Variants in SHANK1 observed in about 807,000 individuals in gnomAD.
SHANK1 encodes SH3 and multiple ankyrin repeat domains 1, also known as SH3 and multiple ankyrin repeat domains protein 1.
In SHANK1, 35 loss-of-function variants were observed where a neutral mutation model predicts 165.6. That is an observed-to-expected ratio of 0.21 (90% confidence interval 0.16 to 0.28). The LOEUF is 0.28. Ranked by LOEUF, SHANK1 falls within the 10% of genes least tolerant of loss-of-function variation. The probability of loss-of-function intolerance (pLI) is 1.00; values close to 1 mark genes in which losing one functional copy is unlikely to be tolerated. For missense variants in SHANK1, 2,681 were observed against 3,036.4 expected, an observed-to-expected ratio of 0.88 and a Z score of 2.75; for synonymous variants, 1,428 against 1,384.8, an observed-to-expected ratio of 1.03 and a Z score of -0.69.
At chr19:50,715,834 CG>C in intron 3 of SHANK1, 104 bp from the exon 4 acceptor site, 9 of 1,130,490 alleles carry the variant, frequency 8.0e-6, no homozygotes, top group Non-Finnish European at 1.2e-5. Flanking sequence ...TCTAATTCCC[CG>C]GGGTAGCTCA....
rs1294177910 is a variant in SHANK1 at position 50,667,571 on chromosome 19, C to T, written c.4389G>A (p.Gly1463=). Residue 1463 remains glycine (G), a synonymous_variant, in exon 23 of 24, where the codon GGG becomes GGA. Coordinates refer to ENST00000293441, the MANE Select transcript of SHANK1 (RefSeq NM_016148.5). This position sits in a 1 kb window ranked among gnomAD's most constrained non-coding sequence, Gnocchi z 5.7. ...CGGGGTGCGGGGCCGGGGGCTCCGT[C>T]CCCAGCTGCAGCAGGAGGGGCCCCA... The part of the protein sequence containing the change: ...PGVGPLLLQL[G]TEPPAPHPGV... 1 of 1,448,210 alleles carries T rather than the reference C, an allele frequency of 6.9e-7. No homozygotes were observed. The highest frequency in any genetic ancestry group is 2.8e-5 in the Admixed American group (1 of 36,316). 89.7% of individuals were successfully genotyped at this position (1,448,210 alleles called of 1,614,324 possible).
intron 4 of SHANK1, among the ~76,000 whole-genome samples, chr19:50,714,648 A>G (rs1467883524): frequency 7.0e-6 from 1 of 142,600 alleles, no homozygotes; most frequent in Non-Finnish European, 1.5e-5. Flanking sequence ...GTGAGCCATG[A>G]TTGCACCACT....
chr19:50,659,363 G>A lies in SHANK1; in HGVS notation c.*2602C>T, dbSNP rs529331559. ...GTCAGGGGAAGGGAGGTGATGGGGG[G>A]TAGGAATGAACCCCCATGTTATAAT... On this transcript the variant is annotated 3_prime_UTR_variant, in exon 24 of 24. Coordinates refer to ENST00000293441, the MANE Select transcript of SHANK1 (RefSeq NM_016148.5). 2.6e-6 allele frequency: 1 copy of A among 380,832 alleles called. No individual in the cohort carries two copies. The allele number at this position is 380,832 out of a possible 1,614,324, so 23.6% of individuals were successfully genotyped here.
chr19:50,695,116 T>C (rs1362717231), intron 15 of SHANK1, among the ~76,000 whole-genome samples: 11 of 144,616 alleles, frequency 7.6e-5, no homozygotes, highest in Non-Finnish European at 1.7e-4. Flanking sequence ...CGCGTCCCCG[T>C]ACCCGCTCGG....
rs1986505268 is a variant in SHANK1 at position 50,690,462 on chromosome 19, A to C, written c.1965-1183T>G. Among the ~76,000 whole-genome samples the C allele has an allele frequency of 1.3e-5, 2 of 152,080 alleles. No homozygotes were observed. Among genetic ancestry groups the C allele is most frequent in the Admixed American group, 6.6e-5 (1 of 15,266 alleles). On this transcript the variant is annotated intron_variant, in intron 15 of 23. Coordinates refer to ENST00000293441, the MANE Select transcript of SHANK1 (RefSeq NM_016148.5). This position sits in a 1 kb window ranked among gnomAD's most constrained non-coding sequence, Gnocchi z 4.9. ...CTGGCTGCAACCCCACTGCCTTCAG[A>C]ATACCCAAGAACACCCAGGAGTCAC...
intron 21 of SHANK1, among the ~76,000 whole-genome samples, chr19:50,681,625 C>T (rs1223026053): frequency 6.6e-6 from 1 of 152,170 alleles, no homozygotes; most frequent in East Asian, 1.9e-4. Context: ...TTAATGAAAA[C>T]AGGACTTGCT....
chr19:50,694,868 C>G (rs1251009434), intron 15 of SHANK1, among the ~76,000 whole-genome samples: 1 of 150,396 alleles, frequency 6.6e-6, no homozygotes, highest in Admixed American at 6.6e-5. Flanking sequence ...GCCTGCCGGC[C>G]GGCCCGCAAA....
chr19:50,667,491 A>T lies in SHANK1; in HGVS notation c.4469T>A (p.Leu1490Gln). The T allele has an allele frequency of 3.9e-6, 6 of 1,528,720 alleles. No homozygotes were observed. The highest frequency in any genetic ancestry group is 5.2e-6 in the Non-Finnish European group (6 of 1,149,326). 94.7% of individuals were successfully genotyped at this position (1,528,720 alleles called of 1,614,324 possible). ...GCAGTTTTCAAGGAACCGCACGTGC[A>T]GCGGCAGCCGCTCGGGTTCTTCGGG... ...AAPEEPERLPLHVRFLENCQP... is the reference protein window; with the variant it reads ...AAPEEPERLPQHVRFLENCQP... Residue 1490 changes from leucine (L) to glutamine (Q), a missense_variant, in exon 23 of 24, where the codon CTG becomes CAG. Physicochemically the swap from Leu to Gln is moderately radical, Grantham distance 113. This residue lies in a region of SHANK1 where 1,713 missense variants were observed against 1,630.2 expected (regional missense o/e 1.05). Coordinates refer to ENST00000293441, the MANE Select transcript of SHANK1 (RefSeq NM_016148.5). This position sits in a 1 kb window ranked among gnomAD's most constrained non-coding sequence, Gnocchi z 5.7.
In SHANK1 at chr19:50,662,343, A is replaced by G; in HGVS notation, c.6108T>C (p.Arg2036=). 1.9e-6 allele frequency: 3 copies of G among 1,601,980 alleles called. No homozygotes were observed. The South Asian group carries it at 3.3e-5, about 18-fold the overall frequency. The part of the protein sequence containing the change: ...GPLYPGLFDI[R]GSPTGGAGGS... ...CTCCTGCCCCTCCAGTTGGGGAGCC[A>G]CGGATGTCAAAGAGGCCTGGGTAGA... Residue 2036 remains arginine (R), a synonymous_variant, in exon 24 of 24, where the codon CGT becomes CGC. Transcript: ENST00000293441. This position sits in a 1 kb window ranked among gnomAD's most constrained non-coding sequence, Gnocchi z 7.7.
At chr19:50,703,216 A>C (rs1599866284) in intron 11 of SHANK1, among the ~76,000 whole-genome samples, 1 of 140,466 alleles carries the variant, frequency 7.1e-6, no homozygotes, top group African/African-American at 2.7e-5. Context: ...CCTCCACCTC[A>C]CCCTGTCATT....
At chr19:50,711,551 G>T in intron 7 of SHANK1, 64 bp from the exon 8 acceptor site, 1 of 1,191,858 alleles carries the variant, frequency 8.4e-7, no homozygotes, top group Non-Finnish European at 1.2e-6. Context: ...TGGGCCAAGA[G>T]TCTGTCTATG....
chr19:50,669,059 AG>A lies in SHANK1; in HGVS notation c.2900del (p.Pro967LeufsTer376). On this transcript the variant is annotated frameshift_variant, in exon 23 of 24. Coordinates refer to ENST00000293441, the MANE Select transcript of SHANK1 (RefSeq NM_016148.5). LOFTEE classifies it high-confidence loss of function. ...GAGGGGAGGGCCCGTCAAAGGATGC[AG>A]GGGAGGAGGCGGGGAGGGGGCCACC... Reference protein sequence around the residue: ...GSGGPLPASSPASFDGPSPPD... With the variant: ...GSGGPLPASSXASFDGPSPPD... 2.4e-6 allele frequency: 2 copies of A among 847,612 alleles called. No homozygotes were observed. The highest frequency in any genetic ancestry group is 1.7e-6 in the Non-Finnish European group (1 of 605,730). The allele number at this position is 847,612 out of a possible 1,614,324, so 52.5% of individuals were successfully genotyped here. A position where few individuals can be genotyped will look rare whatever the true frequency, so the allele number is the denominator to read the frequency against.
chr19:50,668,409 T>C lies in SHANK1; in HGVS notation c.3551A>G (p.Gln1184Arg). The change falls in exon 23 of 24, where the codon CAG becomes CGG. Residue 1184 changes from glutamine (Q) to arginine (R), a missense_variant. By Grantham distance (43) the Gln-to-Arg change is conservative. Coordinates refer to ENST00000293441, the MANE Select transcript of SHANK1 (RefSeq NM_016148.5). ...GCCGCCGCCTCCCGTGGGCTCCGGC[T>C]GGGTGGGGGGCTCCGCCTCGGTGCT... ...GSSTEAEPPT[Q>R]PEPTGGGGGG... The C allele has an allele frequency of 7.6e-7, 1 of 1,309,526 alleles. No homozygotes were observed. 81.1% of individuals were successfully genotyped at this position (1,309,526 alleles called of 1,614,324 possible). A position where few individuals can be genotyped will look rare whatever the true frequency, so the allele number is the denominator to read the frequency against.
intron 4 of SHANK1, among the ~76,000 whole-genome samples, chr19:50,714,552 G>C (rs576168296): frequency 4.6e-5 from 7 of 152,112 alleles, no homozygotes; most frequent in Non-Finnish European, 8.8e-5. Context: ...AAACTAGCCA[G>C]GTTGTGGTGG....
rs543213796 is a variant in SHANK1, at chr19:50,667,033, C to T, written c.4927G>A (p.Gly1643Arg). The change falls in exon 23 of 24, where the codon GGG becomes AGG. Residue 1643 changes from glycine to arginine, a missense_variant. Transcript: ENST00000293441. This position sits in a 1 kb window ranked among gnomAD's most constrained non-coding sequence, Gnocchi z 5.7. ...TLTQGASAAP[G>R]DPHPPGPPAP... The stretch of plus-strand genomic sequence containing the variant: ...GGCGGGCCTGGTGGATGGGGGTCCC[C>T]AGGAGCGGCGGAGGCCCCCTGGGTC... 6.5e-7 allele frequency: 1 copy of T among 1,548,472 alleles called. No individual in the cohort carries two copies. The highest frequency in any genetic ancestry group is 1.3e-5 in the African/African-American group (1 of 74,264).
chr19:50,712,103 G>A lies in SHANK1; in HGVS notation c.804C>T (p.Asp268=). ...CCTTGTAGTTGGGGGAACCCCCAAGGTCCAGGAGCGCCTAGGAACGGAGAG... is the reference window on the plus strand; with the variant it reads ...CCTTGTAGTTGGGGGAACCCCCAAGATCCAGGAGCGCCTAGGAACGGAGAG... The part of the protein sequence containing the change: ...RHCLALTALL[D]LGGSPNYKDR... The change falls in exon 7 of 24, where the codon GAC becomes GAT. Residue 268 remains aspartate (D), a synonymous_variant. Coordinates refer to ENST00000293441, the MANE Select transcript of SHANK1 (RefSeq NM_016148.5). 1.3e-6 allele frequency: 2 copies of A among 1,591,856 alleles called. No individual in the cohort carries two copies. Among genetic ancestry groups the A allele is most frequent in the Non-Finnish European group, 1.7e-6 (2 of 1,170,652 alleles).
At position 50,713,691 on chromosome 19, in the gene SHANK1, G is replaced by T; in HGVS notation, c.792+107C>A. ...GAAAGGGGCTTTGAACTGGGGACATGAGAGGGCCTATTTTTAACTGAAACC... is the reference window on the plus strand; with the variant it reads ...GAAAGGGGCTTTGAACTGGGGACATTAGAGGGCCTATTTTTAACTGAAACC... On this transcript the variant is annotated intron_variant, in intron 6 of 23. Transcript: ENST00000293441. This position sits in a 1 kb window ranked among gnomAD's most constrained non-coding sequence, Gnocchi z 6.2. 1 of 1,412,802 alleles carries T rather than the reference G, an allele frequency of 7.1e-7. No homozygotes were observed. Among genetic ancestry groups the T allele is most frequent in the Non-Finnish European group, 9.7e-7 (1 of 1,027,786 alleles). The allele number at this position is 1,412,802 out of a possible 1,614,324, so 87.5% of individuals were successfully genotyped here.
chr19:50,692,145 C>T (rs1311026145), intron 15 of SHANK1, among the ~76,000 whole-genome samples: 1 of 152,124 alleles, frequency 6.6e-6, no homozygotes, highest in Non-Finnish European at 1.5e-5. Context: ...ACCTTGAGCA[C>T]ATATATCCAT....
chr19:50,719,569 G>A lies in SHANK1; in HGVS notation c.-207C>T, dbSNP rs1221054916. The A allele has an allele frequency of 6.9e-6, 1 of 145,174 alleles. No individual in the cohort carries two copies. The highest frequency in any genetic ancestry group is 1.5e-5 in the Non-Finnish European group (1 of 65,208). 9.0% of individuals were successfully genotyped at this position (145,174 alleles called of 1,614,324 possible). ...GCGGGCGGGGACCGGGGGGGAGGGC[G>A]GGAGGGCCGAGGACCTCACCCCCCC... On this transcript the variant is annotated 5_prime_UTR_variant, in exon 1 of 24. Transcript: ENST00000293441.
Sources: allele counts gnomAD v4.1 joint callset (sites outside exome capture counted in the v4.1 genomes callset), GRCh38; gene constraint gnomAD v4.1.1; regional missense constraint gnomAD v4.1.1; non-coding constraint Gnocchi (gnomAD v3.1); transcripts MANE v1.5; gene names NCBI Gene and HGNC (gene_info 2026-07-23, HGNC 2026-07-21).